The following FHL2 variants were observed in gnomAD, a reference collection of about 807,000 sequenced individuals.
FHL2 encodes four and a half LIM domains protein 2.
Under a neutral mutation model 32.7 loss-of-function variants are expected in FHL2, and 20 were observed. The ratio of observed to expected loss-of-function variants is 0.61; its 90% CI spans 0.43 to 0.89. The LOEUF (loss-of-function observed/expected upper bound fraction) is 0.89. FHL2 is among the 40% of genes least tolerant of loss of function. The pLI, the probability that FHL2 is intolerant of heterozygous loss-of-function variation, is 0.00. For synonymous variants in FHL2, 123 were observed against 128.1 expected (o/e 0.96, Z 0.27); for missense variants, 311 against 358.6 (o/e 0.87, Z 1.07).
In FHL2 at chr2:105,366,228, A is replaced by AT. The variant is rs1470133604; in HGVS notation, c.501+1341_501+1342insA. On this transcript the variant is annotated intron_variant, in intron 5 of 6. Coordinates refer to ENST00000530340, the MANE Select transcript of FHL2 (RefSeq NM_001318895.3). ...CTGTCTCAAAAAAAGAAAAAAAAAA[A>AT]GGAAATGAGAGAAAGACTGAATGGA... 3.9e-5 allele frequency among the ~76,000 whole-genome samples: 6 copies of AT among 152,084 alleles called. No homozygotes were observed. In the South Asian group the frequency reaches 6.2e-4, roughly 16 times the overall value.
intron 1 of FHL2, among the ~76,000 whole-genome samples, chr2:105,418,274 C>A (rs1683992408): frequency 6.6e-6 from 1 of 152,116 alleles, no homozygotes; most frequent in Admixed American, 6.5e-5. Context: ...GATATCCTAA[C>A]TCCTGGGCCT....
chr2:105,399,364 G>T (rs1344667468), upstream of FHL2: 7 of 1,535,856 alleles, frequency 4.6e-6, no homozygotes, highest in Non-Finnish European at 6.1e-6. Flanking sequence ...TGCCCACGCC[G>T]GGATCTCTGC....
At chr2:105,418,119 T>C (rs1373844384) in intron 1 of FHL2, among the ~76,000 whole-genome samples, 1 of 152,154 alleles carries the variant, frequency 6.6e-6, no homozygotes, top group Non-Finnish European at 1.5e-5. Flanking sequence ...GGTAGTGTAT[T>C]TTCCACCATG....
rs769480746 is a variant in FHL2 at position 105,386,391 on chromosome 2, C to T, written c.126G>A (p.Glu42=). 6.2e-7 allele frequency: 1 copy of T among 1,614,172 alleles called. No homozygotes were observed. Among genetic ancestry groups the T allele is most frequent in the Non-Finnish European group, 8.5e-7 (1 of 1,180,034 alleles). ...AGTCACAGCCGATGGGCTTCCCACA[C>T]TCCTCGCAGGTGTTGGCGAACAGGG... The part of the protein sequence containing the change: ...FETLFANTCE[E]CGKPIGCDCK... The change falls in exon 3 of 7, where the codon GAG becomes GAA. Residue 42 remains glutamate (E), a synonymous_variant. Transcript: ENST00000530340.
At chr2:105,363,062 A>G (rs1014607592) in intron 6 of FHL2, 4 of 542,870 alleles carry the variant, frequency 7.4e-6, no homozygotes, top group Non-Finnish European at 1.3e-5. Context: ...AGCACTGGCC[A>G]TATGGTTGTG....
chr2:105,373,491 G>A (rs756835670), intron 4 of FHL2, 68 bp downstream of exon 4: 1 of 1,550,316 alleles, frequency 6.5e-7, no homozygotes, highest in Non-Finnish European at 8.9e-7. Flanking sequence ...GTGAACAGGG[G>A]GTCAGAGGAA....
intron 1 of FHL2, among the ~76,000 whole-genome samples, chr2:105,425,364 G>A (rs1300250606): frequency 6.6e-6 from 1 of 152,158 alleles, no homozygotes; most frequent in Admixed American, 6.5e-5. Context: ...AAAGCCGCAG[G>A]GAACTCTGCC....
chr2:105,391,874 C>T (rs1682760897), intron 2 of FHL2, among the ~76,000 whole-genome samples: 1 of 152,216 alleles, frequency 6.6e-6, no homozygotes, highest in Non-Finnish European at 1.5e-5. Context: ...AAGCATCAGG[C>T]AACAGCCTGC....
upstream of FHL2, chr2:105,399,152 G>T (rs1573379163): frequency 7.3e-7 from 1 of 1,364,592 alleles, no homozygotes; most frequent in Non-Finnish European, 9.4e-7. Flanking sequence ...GTGGGGCGCG[G>T]GGGGCGGGCG....
chr2:105,377,827 AGGGAGAGG>A, intron 3 of FHL2: 5 of 343,696 alleles, frequency 1.5e-5, no homozygotes, highest in East Asian at 7.6e-5. Context: ...AGTAGGCGCC[AGGGAGAGG>A]GGAGGAGATC....
chr2:105,405,335 A>T (rs1006902168), intron 1 of FHL2, among the ~76,000 whole-genome samples: 2 of 152,210 alleles, frequency 1.3e-5, no homozygotes, highest in Non-Finnish European at 2.9e-5. Flanking sequence ...TTGCTTCCCT[A>T]AAATACCTGA....
At chr2:105,410,625 G>T (rs967817031) in intron 1 of FHL2, among the ~76,000 whole-genome samples, 4 of 152,286 alleles carry the variant, frequency 2.6e-5, no homozygotes, top group Admixed American at 6.5e-5. Context: ...TTATTTGGTG[G>T]TGGTGTCCAA....
At chr2:105,430,312 T>C (rs754486253) in intron 1 of FHL2, among the ~76,000 whole-genome samples, 1 of 152,140 alleles carries the variant, frequency 6.6e-6, no homozygotes, top group Non-Finnish European at 1.5e-5. Context: ...GTCCTCCTCT[T>C]GTTTCCTTTC....
chr2:105,394,581 G>A (rs4851764), intron 2 of FHL2, among the ~76,000 whole-genome samples: 28,772 of 77,198 alleles, frequency 0.37, 2,939 homozygotes, highest in African/African-American at 0.39. Context: ...GAGACCCTGG[G>A]AAAAAAAAAA....
chr2:105,398,893 T>C lies in FHL2; in HGVS notation c.-127A>G. On this transcript the variant is annotated 5_prime_UTR_variant, in exon 1 of 7. Coordinates refer to ENST00000530340, the MANE Select transcript of FHL2 (RefSeq NM_001318895.3). ...CCCTCTCCTTGGGTCTCGCACCGGA[T>C]TCGGCCCCCACTTCCGAGCCCTGGT... The C allele has an allele frequency of 2.0e-6, 3 of 1,528,364 alleles. No homozygotes were observed. Among genetic ancestry groups the C allele is most frequent in the Non-Finnish European group, 2.6e-6 (3 of 1,140,730 alleles). 94.7% of individuals were successfully genotyped at this position (1,528,364 alleles called of 1,614,324 possible). A position where few individuals can be genotyped will look rare whatever the true frequency, so the allele number is the denominator to read the frequency against.
At chr2:105,379,364 T>C (rs1681714674) in intron 3 of FHL2, among the ~76,000 whole-genome samples, 1 of 152,236 alleles carries the variant, frequency 6.6e-6, no homozygotes, top group African/African-American at 2.4e-5. Flanking sequence ...CATTTCCTTA[T>C]GAAGACAGTC....
intron 1 of FHL2, among the ~76,000 whole-genome samples, chr2:105,435,423 T>C (rs1684580113): frequency 6.6e-6 from 1 of 152,208 alleles, no homozygotes; most frequent in Admixed American, 6.5e-5. Flanking sequence ...CGTGAACTGA[T>C]ACCTTGAAAT....
chr2:105,361,494 G>A, intron 6 of FHL2, 60 bp from the exon 7 acceptor site: 1 of 1,487,594 alleles, frequency 6.7e-7, no homozygotes, highest in African/African-American at 1.4e-5. Flanking sequence ...AACTGGGACT[G>A]AAGAAGGAAT....
intron 2 of FHL2, among the ~76,000 whole-genome samples, chr2:105,389,247 A>G (rs896308242): frequency 6.6e-6 from 1 of 152,214 alleles, no homozygotes; most frequent in East Asian, 1.9e-4. Context: ...CACTTGAATT[A>G]TTATTCTGAA....
Sources: allele counts gnomAD v4.1 joint callset (sites outside exome capture counted in the v4.1 genomes callset), GRCh38; gene constraint gnomAD v4.1.1; transcripts MANE v1.5; gene names NCBI Gene and HGNC (gene_info 2026-07-23, HGNC 2026-07-21).